The following CDK5RAP2 variants were observed in gnomAD, a reference collection of about 807,000 sequenced individuals.
The protein encoded by CDK5RAP2 is CDK5 regulatory subunit associated protein 2.
Under a neutral mutation model 232.9 loss-of-function variants are expected in CDK5RAP2, and 147 were observed. That is an observed-to-expected ratio of 0.63 (90% CI 0.55 to 0.72). CDK5RAP2 has a LOEUF of 0.72. Among genes scored for constraint, CDK5RAP2 ranks in the 30% least tolerant of loss-of-function variants. CDK5RAP2 has a pLI of 0.00. For missense variants in CDK5RAP2, 2,195 were observed against 2,231.5 expected, an observed-to-expected ratio of 0.98 and a Z score of 0.33; for synonymous variants, 833 against 833.7, an observed-to-expected ratio of 1.00 and a Z score of 0.01.
At chr9:120,406,941 A>G (rs887561125) in intron 32 of CDK5RAP2, 71 bp downstream of exon 32, 1 of 1,148,954 alleles carries the variant, frequency 8.7e-7, no homozygotes, top group Non-Finnish European at 1.3e-6. Flanking sequence ...GGCATCATTC[A>G]GAAGTTCACA....
At chr9:120,436,189 T>C (rs1165069804) in intron 25 of CDK5RAP2, among the ~76,000 whole-genome samples, 1 of 152,124 alleles carries the variant, frequency 6.6e-6, no homozygotes, top group Non-Finnish European at 1.5e-5. Context: ...AACAAAATAA[T>C]CTCTTATGCA....
intron 15 of CDK5RAP2, among the ~76,000 whole-genome samples, chr9:120,475,574 C>T (rs953827675): frequency 2.6e-5 from 4 of 151,954 alleles, no homozygotes; most frequent in Non-Finnish European, 5.9e-5. Flanking sequence ...CCCCCAGTGC[C>T]CCCCACTGCT....
Position 120,439,529 on chromosome 9 carries a change from C to A in CDK5RAP2, c.3592G>T (p.Val1198Leu). 6.2e-7 allele frequency: 1 copy of A among 1,614,208 alleles called. No individual in the cohort carries two copies. Among genetic ancestry groups the A allele is most frequent in the Non-Finnish European group, 8.5e-7 (1 of 1,180,026 alleles). Residue 1198 changes from valine to leucine, a missense_variant, in exon 24 of 38, where the codon GTG becomes TTG. Val to Leu is a conservative substitution (Grantham distance 32). Coordinates refer to ENST00000349780, the MANE Select transcript of CDK5RAP2 (RefSeq NM_018249.6). ...AGCTGCTGTTTGAGGTTCTCCAGCACCCTGCTGTCAATCATCTCTGGGGCC... is the reference window on the plus strand; with the variant it reads ...AGCTGCTGTTTGAGGTTCTCCAGCAACCTGCTGTCAATCATCTCTGGGGCC... ...PLAPEMIDSRVLENLKQQLEE... is the reference protein window; with the variant it reads ...PLAPEMIDSRLLENLKQQLEE...
rs78494666 is a variant in CDK5RAP2 at position 120,490,698 on chromosome 9, C to T, written c.1482+609G>A. Reference sequence around the variant, plus strand: ...TTTTTCTTTTTACCTCTTTCGTCTACAAGCCACACTTATCCAAAATTCTGT... The same window carrying T: ...TTTTTCTTTTTACCTCTTTCGTCTATAAGCCACACTTATCCAAAATTCTGT... On this transcript the variant is annotated intron_variant, in intron 13 of 37. Coordinates refer to ENST00000349780, the MANE Select transcript of CDK5RAP2 (RefSeq NM_018249.6). Among the ~76,000 whole-genome samples the T allele has an allele frequency of 2.0e-3, 305 of 152,282 alleles. 2 individuals are homozygous for T. Among genetic ancestry groups the T allele is most frequent in the African/African-American group, 6.6e-3 (273 of 41,554 alleles).
intron 15 of CDK5RAP2, among the ~76,000 whole-genome samples, chr9:120,473,075 C>G (rs905899156): frequency 6.6e-6 from 1 of 152,124 alleles, no homozygotes; most frequent in African/African-American, 2.4e-5. Context: ...ACATGGAGAC[C>G]CCAGCTGACA....
At chr9:120,448,610 AC>A (rs1161703731) in intron 21 of CDK5RAP2, among the ~76,000 whole-genome samples, 23 of 152,120 alleles carry the variant, frequency 1.5e-4, no homozygotes, top group Admixed American at 1.4e-3. Context: ...GTAGTGACTT[AC>A]GGGCACTACA....
At position 120,491,495 on chromosome 9, in the gene CDK5RAP2, A is replaced by G; in HGVS notation, c.1312-18T>C. The G allele has an allele frequency of 1.3e-6, 2 of 1,592,984 alleles. No individual in the cohort carries two copies. Among genetic ancestry groups the G allele is most frequent in the Non-Finnish European group, 1.7e-6 (2 of 1,165,098 alleles). On this transcript the variant is annotated intron_variant, in intron 12 of 37. Coordinates refer to ENST00000349780, the MANE Select transcript of CDK5RAP2 (RefSeq NM_018249.6). Reference sequence around the variant, plus strand: ...CTAAGATCCTACCAGAAGAAAATGAAAAAATGGAATTTACTTGACAAAAAT... The same window carrying G: ...CTAAGATCCTACCAGAAGAAAATGAGAAAATGGAATTTACTTGACAAAAAT...
chr9:120,535,745 C>T (rs192033734), intron 7 of CDK5RAP2, among the ~76,000 whole-genome samples: 29 of 152,302 alleles, frequency 1.9e-4, no homozygotes, highest in Admixed American at 1.4e-3. Context: ...GCCTAAAGGA[C>T]ATATCAACTA....
intron 12 of CDK5RAP2, among the ~76,000 whole-genome samples, chr9:120,493,879 G>A (rs975736241): frequency 2.0e-5 from 3 of 152,158 alleles, no homozygotes; most frequent in Admixed American, 6.5e-5. Context: ...ATCGCTTGAG[G>A]TCAGGAGTTT....
chr9:120,407,218 T>A lies in CDK5RAP2; in HGVS notation c.4757A>T (p.Asp1586Val). The change falls in exon 32 of 38, where the codon GAT becomes GTT. Residue 1586 changes from aspartate (D) to valine (V), a missense_variant. Asp to Val is a radical substitution (Grantham distance 152). Transcript: ENST00000349780. ...EASGEGWKGQ[D>V]PFRDLHSLLM... ...GAGGCTGTGCAGGTCCCTGAAAGGA[T>A]CCTGCCCCTTCCAGCCTTCTCCCGA... The A allele has an allele frequency of 6.2e-7, 1 of 1,613,234 alleles. No homozygotes were observed. The highest frequency in any genetic ancestry group is 8.5e-7 in the Non-Finnish European group (1 of 1,179,860).
chr9:120,396,075 G>C (rs190690553), intron 35 of CDK5RAP2, among the ~76,000 whole-genome samples: 54 of 152,350 alleles, frequency 3.5e-4, no homozygotes, highest in African/African-American at 1.3e-3. Flanking sequence ...TACATCAAAA[G>C]AATGGCAAAT....
At chr9:120,561,825 C>T (rs979241734) in intron 3 of CDK5RAP2, among the ~76,000 whole-genome samples, 1 of 152,200 alleles carries the variant, frequency 6.6e-6, no homozygotes, top group Non-Finnish European at 1.5e-5. Context: ...AATAACTGCA[C>T]TACCTTGTGC....
intron 26 of CDK5RAP2, among the ~76,000 whole-genome samples, chr9:120,421,486 C>G (rs1157372125): frequency 6.6e-6 from 1 of 152,190 alleles, no homozygotes; most frequent in Non-Finnish European, 1.5e-5. Flanking sequence ...TCTGCCCACT[C>G]GCTCTAACGA....
chr9:120,541,059 C>T (rs368061869), intron 5 of CDK5RAP2, among the ~76,000 whole-genome samples: 1 of 152,220 alleles, frequency 6.6e-6, no homozygotes, highest in African/African-American at 2.4e-5. Context: ...GCATTATACA[C>T]GGCCGAAAGA....
chr9:120,553,951 A>C (rs2042135209), intron 3 of CDK5RAP2, among the ~76,000 whole-genome samples: 1 of 152,144 alleles, frequency 6.6e-6, no homozygotes, highest in South Asian at 2.1e-4. Context: ...TTTTAAAGTC[A>C]AATAGTCTAC....
At chr9:120,488,770 G>A (rs1222766939) in intron 13 of CDK5RAP2, among the ~76,000 whole-genome samples, 1 of 152,132 alleles carries the variant, frequency 6.6e-6, no homozygotes, top group African/African-American at 2.4e-5. Flanking sequence ...TTAGCCATAT[G>A]GTGTTCCGTG....
At position 120,388,974 on chromosome 9, in the gene CDK5RAP2, G is replaced by C; in HGVS notation, c.*262C>G. The C allele has an allele frequency of 1.8e-6, 1 of 571,412 alleles. No homozygotes were observed. Among genetic ancestry groups the C allele is most frequent in the South Asian group, 2.2e-5 (1 of 45,280 alleles). The allele number at this position is 571,412 out of a possible 1,614,324, so 35.4% of individuals were successfully genotyped here. A position where few individuals can be genotyped will look rare whatever the true frequency, so the allele number is the denominator to read the frequency against. The stretch of plus-strand genomic sequence containing the variant: ...GACGTGAAGCCCACCAAGGCGCACA[G>C]CCTCAACTCCGGTGCCTGCCCCTGA... On this transcript the variant is annotated 3_prime_UTR_variant, in exon 38 of 38. Transcript: ENST00000349780.
At chr9:120,400,079 G>A (rs954842489) in intron 35 of CDK5RAP2, among the ~76,000 whole-genome samples, 1 of 152,208 alleles carries the variant, frequency 6.6e-6, no homozygotes, top group Admixed American at 6.5e-5. Flanking sequence ...ACCAAGCAGA[G>A]AGTTCTAACT....
rs569066822 is a variant in CDK5RAP2 at position 120,408,973 on chromosome 9, A to G, written c.4604+154T>C. Among the ~76,000 whole-genome samples, 5 of 152,316 alleles carry G rather than the reference A, an allele frequency of 3.3e-5. No homozygotes were observed. The South Asian group carries it at 1.0e-3, about 32-fold the overall frequency. Reference sequence around the variant, plus strand: ...TCTCCTCCTTACAGGATCTTTCTCCATATGTTGTAGGCGCACCAGACGTAC... The same window carrying G: ...TCTCCTCCTTACAGGATCTTTCTCCGTATGTTGTAGGCGCACCAGACGTAC... On this transcript the variant is annotated intron_variant, in intron 30 of 37. Transcript: ENST00000349780.
Sources: gnomAD v4.1 joint callset for allele counts (sites outside exome capture counted in the v4.1 genomes callset) on GRCh38, gnomAD v4.1.1 for gene constraint, MANE v1.5 for transcripts, NCBI Gene and HGNC (gene_info 2026-07-23, HGNC 2026-07-21) for gene names.